Variants in TGFBRAP1 observed in about 807,000 individuals in gnomAD.
The protein encoded by TGFBRAP1 is transforming growth factor beta receptor associated protein 1.
TGFBRAP1 carries 20 observed loss-of-function variants against 83.2 expected under a neutral mutation model. That is an observed-to-expected ratio of 0.24 (90% CI 0.17 to 0.35). The LOEUF (loss-of-function observed/expected upper bound fraction) is 0.35, where lower values mean the gene tolerates loss of function less well. Ranked by LOEUF, TGFBRAP1 falls within the 10% of genes least tolerant of loss-of-function variation. The pLI is 1.00. For missense variants in TGFBRAP1, 950 were observed against 1,099.4 expected, an observed-to-expected ratio of 0.86 and a Z score of 1.92; for synonymous variants, 415 against 459.8, an observed-to-expected ratio of 0.90 and a Z score of 1.25.
intron 1 of TGFBRAP1, among the ~76,000 whole-genome samples, chr2:105,313,821 A>G: frequency 6.6e-6 from 1 of 152,172 alleles, no homozygotes; most frequent in East Asian, 1.9e-4. Context: ...CAAAAGATTC[A>G]GAAAAAGCAT....
chr2:105,277,484 T>A, intron 7 of TGFBRAP1, 130 bp downstream of exon 7: 1 of 738,280 alleles, frequency 1.4e-6, no homozygotes, highest in Non-Finnish European at 2.3e-6. Context: ...GAATCATTTT[T>A]ATTCTGTATA....
intron 1 of TGFBRAP1, among the ~76,000 whole-genome samples, chr2:105,320,185 C>T (rs567213458): frequency 6.6e-6 from 1 of 152,274 alleles, no homozygotes; most frequent in Non-Finnish European, 1.5e-5. Flanking sequence ...CTAATTACTT[C>T]ACAGCTTATA....
intron 11 of TGFBRAP1, 100 bp from the exon 12 acceptor site, chr2:105,267,659 G>T: frequency 6.5e-7 from 1 of 1,530,562 alleles, no homozygotes; most frequent in Non-Finnish European, 8.8e-7. Context: ...TACTCCATGG[G>T]TTATTATTAT....
In TGFBRAP1 at chr2:105,266,627, G is replaced by A. The variant is rs2104299299; in HGVS notation, c.*756C>T. The A allele has an allele frequency of 6.6e-6, 1 of 152,374 alleles. No homozygotes were observed. The highest frequency in any genetic ancestry group is 1.5e-5 in the Non-Finnish European group (1 of 68,050). 9.4% of individuals were successfully genotyped at this position (152,374 alleles called of 1,614,324 possible). A position where few individuals can be genotyped will look rare whatever the true frequency, so the allele number is the denominator to read the frequency against. On this transcript the variant is annotated 3_prime_UTR_variant, in exon 12 of 12. Transcript: ENST00000393359. ...CGTGTCCGCGGCTTCTTCAAGGAGG[G>A]GAGAGCAGCTTCTCTCTTGGAGCGT...
chr2:105,325,828 G>A (rs1679211192), intron 1 of TGFBRAP1, among the ~76,000 whole-genome samples: 1 of 152,118 alleles, frequency 6.6e-6, no homozygotes, highest in African/African-American at 2.4e-5. Context: ...GCCATCTGTT[G>A]AATGACTCAA....
At position 105,296,756 on chromosome 2, in the gene TGFBRAP1, CTTTTTTTTTTT is replaced by C. The variant is rs60031957; in HGVS notation, c.884-257_884-247del. ...ATAATATCTTGCTTTCTTTTTTTGC[CTTTTTTTTTTT>C]TTTTTTTTTTTTTTTTACTGAGAAA... On this transcript the variant is annotated intron_variant, in intron 3 of 11. Coordinates refer to ENST00000393359, the MANE Select transcript of TGFBRAP1 (RefSeq NM_004257.6). Among the ~76,000 whole-genome samples the C allele has an allele frequency of 9.3e-4, 68 of 73,216 alleles. 1 individual carries two copies. Among genetic ancestry groups the C allele is most frequent in the African/African-American group, 3.0e-3 (59 of 19,540 alleles). 48.0% of individuals were successfully genotyped at this position (73,216 alleles called of 152,430 possible).
the TGFBRAP1 span, among the ~76,000 whole-genome samples, chr2:105,254,805 G>A: frequency 0.018 from 2,668 of 152,224 alleles, 89 homozygotes; most frequent in African/African-American, 0.062. Context: ...AAGTGATTAG[G>A]TCATGAGGGT....
intron 1 of TGFBRAP1, among the ~76,000 whole-genome samples, chr2:105,315,974 T>G (rs1336952114): frequency 6.6e-6 from 1 of 152,166 alleles, no homozygotes; most frequent in African/African-American, 2.4e-5. Context: ...CCCCATTTAA[T>G]TGTGGCATAT....
the TGFBRAP1 span, among the ~76,000 whole-genome samples, chr2:105,256,709 A>T: frequency 6.6e-6 from 1 of 152,230 alleles, no homozygotes; most frequent in African/African-American, 2.4e-5. Flanking sequence ...CGTCTGAACC[A>T]GAGCACTCCA....
rs1226856264 is a variant in TGFBRAP1 at position 105,329,666 on chromosome 2, G to T, written c.-59C>A. 6.8e-6 allele frequency: 1 copy of T among 146,726 alleles called. No homozygotes were observed. The allele number at this position is 146,726 out of a possible 1,614,324, so 9.1% of individuals were successfully genotyped here. ...CGTCCCGCGCCGCCCCGCGGCCTGGGGCCCCGCCGCCCCGCTCCGGCCCGC... is the reference window on the plus strand; with the variant it reads ...CGTCCCGCGCCGCCCCGCGGCCTGGTGCCCCGCCGCCCCGCTCCGGCCCGC... On this transcript the variant is annotated 5_prime_UTR_variant, in exon 1 of 12. Transcript: ENST00000393359.
rs557273986 is a variant in TGFBRAP1, at chr2:105,295,683, C to T, written c.1038+673G>A. On this transcript the variant is annotated intron_variant, in intron 4 of 11. Transcript: ENST00000393359. ...AAAATTTGCTGGGTGTGGTGGCGGG[C>T]GCCTGTATTCCCAGCTACTCGGGAG... Among the ~76,000 whole-genome samples, 21 of 151,762 alleles carry T rather than the reference C, an allele frequency of 1.4e-4. No individual in the cohort carries two copies. In the East Asian group the frequency reaches 3.1e-3, roughly 22 times the overall value.
chr2:105,323,980 C>A (rs953942184), intron 1 of TGFBRAP1, among the ~76,000 whole-genome samples: 5 of 151,992 alleles, frequency 3.3e-5, no homozygotes, highest in African/African-American at 9.7e-5. Context: ...TCTCTCACAC[C>A]CTTTCAAGTG....
At chr2:105,327,901 C>T (rs1456830092) in intron 1 of TGFBRAP1, among the ~76,000 whole-genome samples, 9 of 152,178 alleles carry the variant, frequency 5.9e-5, no homozygotes, top group Admixed American at 5.9e-4. Context: ...CCTTGATGCA[C>T]ATAGCAAATT....
At chr2:105,252,667 T>G in the TGFBRAP1 span, among the ~76,000 whole-genome samples, 1 of 151,796 alleles carries the variant, frequency 6.6e-6, no homozygotes, top group Non-Finnish European at 1.5e-5. Flanking sequence ...TTCATTCCCC[T>G]ACCTTCTTCT....
chr2:105,280,249 G>A, intron 6 of TGFBRAP1, 133 bp downstream of exon 6: 1 of 896,520 alleles, frequency 1.1e-6, no homozygotes, highest in Non-Finnish European at 1.7e-6. Context: ...TGATTTCGTG[G>A]CAGTCACCTA....
chr2:105,283,840 T>C (rs1382505042), intron 5 of TGFBRAP1, among the ~76,000 whole-genome samples: 1 of 152,206 alleles, frequency 6.6e-6, no homozygotes, highest in African/African-American at 2.4e-5. Flanking sequence ...TTCTGAGAGC[T>C]GACCAGGAAT....
At chr2:105,322,349 T>G (rs190701443) in intron 1 of TGFBRAP1, among the ~76,000 whole-genome samples, 140 of 152,304 alleles carry the variant, frequency 9.2e-4, no homozygotes, top group Admixed American at 4.1e-3. Context: ...AAGAGAAGTA[T>G]TTTTAGAATA....
intron 5 of TGFBRAP1, among the ~76,000 whole-genome samples, chr2:105,282,852 T>C (rs890707832): frequency 6.7e-6 from 1 of 149,910 alleles, no homozygotes; most frequent in Non-Finnish European, 1.5e-5. Context: ...AAAAAATCCG[T>C]TCTCTCAGCC....
chr2:105,268,203 A>G (rs1677011825), intron 11 of TGFBRAP1, among the ~76,000 whole-genome samples: 1 of 152,238 alleles, frequency 6.6e-6, no homozygotes, highest in Non-Finnish European at 1.5e-5. Flanking sequence ...CAACTTAGCG[A>G]TTCATCCTGC....
Sources: gnomAD v4.1 joint callset for allele counts (sites outside exome capture counted in the v4.1 genomes callset) on GRCh38, gnomAD v4.1.1 for gene constraint, MANE v1.5 for transcripts, NCBI Gene and HGNC (gene_info 2026-07-23, HGNC 2026-07-21) for gene names.